CDKAL1: variants seen among roughly 807,000 people sequenced by gnomAD.
The protein encoded by CDKAL1 is threonylcarbamoyladenosine tRNA methylthiotransferase.
In CDKAL1, 32 loss-of-function variants were observed where a neutral mutation model predicts 68.2. The observed-to-expected ratio is 0.47, with a 90% CI of 0.35 to 0.63. CDKAL1 has a LOEUF of 0.63. Among genes scored for constraint, CDKAL1 ranks in the 30% least tolerant of loss-of-function variants. The pLI, the probability that CDKAL1 is intolerant of heterozygous loss-of-function variation, is 0.00. For synonymous variants in CDKAL1, 234 were observed against 244.3 expected, an observed-to-expected ratio of 0.96 and a Z score of 0.39; for missense variants, 606 against 696.7, an observed-to-expected ratio of 0.87 and a Z score of 1.47.
At chr6:20,814,335 T>G (rs1561799919) in intron 8 of CDKAL1, among the ~76,000 whole-genome samples, 1 of 152,248 alleles carries the variant, frequency 6.6e-6, no homozygotes, top group Non-Finnish European at 1.5e-5. Context: ...AGAATTTTTT[T>G]GATAGTCATG....
chr6:20,717,137 G>A lies in CDKAL1; in HGVS notation c.372-22382G>A, dbSNP rs138401264. 5.8e-4 allele frequency among the ~76,000 whole-genome samples: 88 copies of A among 151,998 alleles called. No individual in the cohort carries two copies. In the East Asian group the frequency reaches 0.012, roughly 21 times the overall value. ...TGGACACACAAGACTGATTTGAGTG[G>A]GTTTTAAACAGAATGAGAGCCAAGG... is the stretch of plus-strand genomic sequence containing the variant. On this transcript the variant is annotated intron_variant, in intron 5 of 15. Transcript: ENST00000274695.
chr6:21,200,089 A>G (rs1371301946), intron 14 of CDKAL1, among the ~76,000 whole-genome samples: 1 of 152,262 alleles, frequency 6.6e-6, no homozygotes, highest in Admixed American at 6.5e-5. Flanking sequence ...TTACTGGATT[A>G]GAACTGGTCT....
chr6:21,167,091 G>A (rs988018257), intron 13 of CDKAL1, among the ~76,000 whole-genome samples: 18 of 152,186 alleles, frequency 1.2e-4, no homozygotes, highest in African/African-American at 4.3e-4. Flanking sequence ...AAAGCAATGT[G>A]ATATCAGAAA....
chr6:20,571,379 G>A (rs1450811079), intron 4 of CDKAL1, among the ~76,000 whole-genome samples: 1 of 152,052 alleles, frequency 6.6e-6, no homozygotes, highest in Non-Finnish European at 1.5e-5. Context: ...CAAGACAGAT[G>A]CAGTCTTATC....
intron 9 of CDKAL1, among the ~76,000 whole-genome samples, chr6:20,892,743 T>C (rs1257870170): frequency 6.6e-6 from 1 of 152,238 alleles, no homozygotes; most frequent in East Asian, 1.9e-4. Flanking sequence ...AACTATCCAC[T>C]TCCAGCTTGG....
intron 5 of CDKAL1, among the ~76,000 whole-genome samples, chr6:20,649,875 G>A (rs1364369898): frequency 6.6e-6 from 1 of 152,090 alleles, no homozygotes; most frequent in Non-Finnish European, 1.5e-5. Context: ...AGCTCCATCT[G>A]TGTGCTTGCA....
chr6:20,984,817 G>T (rs187647312), intron 10 of CDKAL1, among the ~76,000 whole-genome samples: 7 of 148,462 alleles, frequency 4.7e-5, no homozygotes, highest in Admixed American at 6.8e-5. Context: ...GTAACGGGGG[G>T]GGGTGGGGAA....
At chr6:21,147,495 G>A (rs564084005) in intron 13 of CDKAL1, among the ~76,000 whole-genome samples, 2 of 152,270 alleles carry the variant, frequency 1.3e-5, no homozygotes, top group Non-Finnish European at 2.9e-5. Flanking sequence ...ATGCTAACTT[G>A]TAGCTCTGTG....
intron 9 of CDKAL1, among the ~76,000 whole-genome samples, chr6:20,889,950 T>G (rs1418222885): frequency 6.6e-6 from 1 of 152,156 alleles, no homozygotes; most frequent in Non-Finnish European, 1.5e-5. Flanking sequence ...GATGAGGTCT[T>G]GCTGTGTTGA....
At chr6:21,052,389 C>G (rs903229160) in intron 11 of CDKAL1, among the ~76,000 whole-genome samples, 3 of 152,084 alleles carry the variant, frequency 2.0e-5, no homozygotes, top group Admixed American at 6.6e-5. Flanking sequence ...AGCCCTGTCA[C>G]CCAGGCTGAA....
At chr6:21,062,713 T>C (rs1278765518) in intron 11 of CDKAL1, among the ~76,000 whole-genome samples, 1 of 152,198 alleles carries the variant, frequency 6.6e-6, no homozygotes, top group Non-Finnish European at 1.5e-5. Flanking sequence ...AATAGATTTG[T>C]CATGCTTCTT....
intron 5 of CDKAL1, among the ~76,000 whole-genome samples, chr6:20,670,745 A>C (rs1348588130): frequency 6.6e-6 from 1 of 152,172 alleles, no homozygotes; most frequent in Non-Finnish European, 1.5e-5. Context: ...TATGAAACCC[A>C]TGGAAATTTT....
intron 4 of CDKAL1, among the ~76,000 whole-genome samples, chr6:20,571,813 GTTAC>G (rs1390521842): frequency 6.6e-6 from 1 of 151,946 alleles, no homozygotes; most frequent in East Asian, 1.9e-4. Context: ...CTTGGGAATA[GTTAC>G]CCATCTTGAT....
intron 9 of CDKAL1, among the ~76,000 whole-genome samples, chr6:20,892,574 GTATATTTA>G (rs908563756): frequency 6.6e-6 from 1 of 152,022 alleles, no homozygotes; most frequent in Non-Finnish European, 1.5e-5. Context: ...ATACCGTATT[GTATATTTA>G]TATATTTATA....
intron 9 of CDKAL1, among the ~76,000 whole-genome samples, chr6:20,938,528 G>A (rs570638583): frequency 3.9e-5 from 6 of 152,160 alleles, no homozygotes; most frequent in African/African-American, 1.4e-4. Flanking sequence ...GTCTTCAAAT[G>A]ATTCTCTAGT....
chr6:20,591,287 C>T (rs980370079), intron 4 of CDKAL1, among the ~76,000 whole-genome samples: 6 of 151,636 alleles, frequency 4.0e-5, no homozygotes, highest in Non-Finnish European at 8.8e-5. Flanking sequence ...CAAAAATTTT[C>T]TCCCATTCTG....
chr6:20,665,931 C>A (rs1462304543), intron 5 of CDKAL1, among the ~76,000 whole-genome samples: 1 of 147,194 alleles, frequency 6.8e-6, no homozygotes, highest in Non-Finnish European at 1.5e-5. Context: ...TGACTTCGGC[C>A]TGCTTAATGG....
chr6:20,836,726 GTTT>G (rs1413696015), intron 8 of CDKAL1, among the ~76,000 whole-genome samples: 1 of 152,092 alleles, frequency 6.6e-6, no homozygotes, highest in African/African-American at 2.4e-5. Flanking sequence ...AATGGGGGTA[GTTT>G]TTATCATTCC....
At chr6:21,227,997 A>T (rs549831659) in intron 15 of CDKAL1, among the ~76,000 whole-genome samples, 3 of 152,290 alleles carry the variant, frequency 2.0e-5, no homozygotes, top group Admixed American at 6.5e-5. Flanking sequence ...CTAAATGCTT[A>T]AGATTTTAAG....
Sources: allele counts gnomAD v4.1 joint callset (sites outside exome capture counted in the v4.1 genomes callset), GRCh38; gene constraint gnomAD v4.1.1; transcripts MANE v1.5; gene names NCBI Gene and HGNC (gene_info 2026-07-23, HGNC 2026-07-21).